Variants in KCNIP4 observed in about 807,000 individuals in gnomAD.
The protein encoded by KCNIP4 is Kv channel-interacting protein 4.
A neutral mutation model predicts 34.0 loss-of-function variants in KCNIP4; 12 were observed. The observed-to-expected ratio is 0.35, with a 90% CI of 0.23 to 0.57. The LOEUF is 0.57. Ranked by LOEUF, KCNIP4 falls within the 20% of genes least tolerant of loss-of-function variation. The probability of loss-of-function intolerance (pLI) is 0.83; values close to 1 mark genes in which losing one functional copy is unlikely to be tolerated. For synonymous variants in KCNIP4, 124 were observed against 102.2 expected, an observed-to-expected ratio of 1.21 and a Z score of -1.29; for missense variants, 238 against 311.7, an observed-to-expected ratio of 0.76 and a Z score of 1.78.
chr4:21,703,469 A>C (rs1713024055), intron 1 of KCNIP4, among the ~76,000 whole-genome samples: 1 of 152,158 alleles, frequency 6.6e-6, no homozygotes, highest in Non-Finnish European at 1.5e-5. Flanking sequence ...AAGGACAAAA[A>C]ACCAAACACC....
intron 1 of KCNIP4, among the ~76,000 whole-genome samples, chr4:21,931,092 A>G (rs1192695415): frequency 6.6e-6 from 1 of 152,152 alleles, no homozygotes; most frequent in Admixed American, 6.6e-5. Flanking sequence ...CCATTACAAA[A>G]TCAGAGTGTT....
At chr4:21,734,464 G>A (rs960937403) in intron 1 of KCNIP4, among the ~76,000 whole-genome samples, 11 of 152,044 alleles carry the variant, frequency 7.2e-5, no homozygotes, top group Admixed American at 1.3e-4. Flanking sequence ...AAATATATAA[G>A]ATCTACAGGA....
intron 1 of KCNIP4, among the ~76,000 whole-genome samples, chr4:21,577,011 T>G (rs768131895): frequency 6.6e-6 from 1 of 152,168 alleles, no homozygotes; most frequent in East Asian, 1.9e-4. Context: ...AAAAATTAAA[T>G]AGGTGCATAC....
Position 21,753,705 on chromosome 4 carries a change from A to T in KCNIP4, c.61+194866T>A, listed in dbSNP as rs550354950. Among the ~76,000 whole-genome samples the T allele has an allele frequency of 5.3e-5, 8 of 152,240 alleles. No individual in the cohort carries two copies. In the East Asian group the frequency reaches 1.5e-3, roughly 29 times the overall value. The stretch of plus-strand genomic sequence containing the variant: ...AGCCCGGACTCGTCTTCGAATCTCA[A>T]GCCATGACCTGTGCTATTTCTGTAG... On this transcript the variant is annotated intron_variant, in intron 1 of 8. Transcript: ENST00000382152.
At position 21,556,930 on chromosome 4, in the gene KCNIP4, A is replaced by AAAACAAAAAAAAAAAAAAAAC. The variant is rs1739094153; in HGVS notation, c.61+391640_61+391641insGTTTTTTTTTTTTTTTTGTTT. On this transcript the variant is annotated intron_variant, in intron 1 of 8. Coordinates refer to ENST00000382152, the MANE Select transcript of KCNIP4 (RefSeq NM_025221.6). ...AGCAAGACTCCATCTCAGAAAAAAA[A>AAAACAAAAAAAAAAAAAAAAC]AAAAAAAAAAAAACCAGAAAACAAA... Among the ~76,000 whole-genome samples, 2 of 108,194 alleles carry AAAACAAAAAAAAAAAAAAAAC rather than the reference A, an allele frequency of 1.8e-5. 1 individual carries two copies. Among genetic ancestry groups the AAAACAAAAAAAAAAAAAAAAC allele is most frequent in the Non-Finnish European group, 4.0e-5 (2 of 49,916 alleles). 71.0% of individuals were successfully genotyped at this position (108,194 alleles called of 152,430 possible).
intron 1 of KCNIP4, among the ~76,000 whole-genome samples, chr4:21,582,955 T>C (rs1741346026): frequency 6.6e-6 from 1 of 151,874 alleles, no homozygotes; most frequent in Non-Finnish European, 1.5e-5. Flanking sequence ...TTTCAAAGAT[T>C]CTCATTGCCT....
intron 1 of KCNIP4, among the ~76,000 whole-genome samples, chr4:21,086,904 CCT>C (rs1300666278): frequency 1.3e-5 from 2 of 150,656 alleles, no homozygotes; most frequent in Non-Finnish European, 3.0e-5. Flanking sequence ...CTTCTTTCTC[CCT>C]CTCTTTCCCT....
At chr4:21,506,886 G>T (rs1560468738) in intron 1 of KCNIP4, among the ~76,000 whole-genome samples, 1 of 151,782 alleles carries the variant, frequency 6.6e-6, no homozygotes, top group Non-Finnish European at 1.5e-5. Context: ...CAAACTCCTG[G>T]GCCAAAGCAA....
intron 1 of KCNIP4, among the ~76,000 whole-genome samples, chr4:20,917,360 A>G (rs1276563439): frequency 6.6e-6 from 1 of 151,780 alleles, no homozygotes; most frequent in Non-Finnish European, 1.5e-5. Context: ...CTCTTACTTC[A>G]ACTCTTTTCC....
At chr4:21,602,160 T>C (rs1448740004) in intron 1 of KCNIP4, among the ~76,000 whole-genome samples, 1 of 151,984 alleles carries the variant, frequency 6.6e-6, no homozygotes, top group Non-Finnish European at 1.5e-5. Flanking sequence ...AGAATATTCT[T>C]CAACACTTAA....
chr4:20,783,728 G>A (rs951067999), intron 3 of KCNIP4, among the ~76,000 whole-genome samples: 4 of 152,138 alleles, frequency 2.6e-5, no homozygotes, highest in African/African-American at 4.8e-5. Flanking sequence ...CTACCATTAA[G>A]TAAGCACACA....
At chr4:21,322,457 C>T (rs891059928) in intron 1 of KCNIP4, among the ~76,000 whole-genome samples, 1 of 152,128 alleles carries the variant, frequency 6.6e-6, no homozygotes, top group African/African-American at 2.4e-5. Context: ...GCCTATAACA[C>T]ATAACAGTTA....
intron 1 of KCNIP4, among the ~76,000 whole-genome samples, chr4:21,242,854 T>C (rs892781087): frequency 6.6e-6 from 1 of 150,720 alleles, no homozygotes; most frequent in African/African-American, 2.4e-5. Flanking sequence ...AATAAATACA[T>C]CTCTTTCTCA....
chr4:21,848,482 A>C (rs1724161509), intron 1 of KCNIP4: 2 of 152,170 alleles, frequency 1.3e-5, no homozygotes, highest in African/African-American at 4.8e-5. Flanking sequence ...ATTTATGAAG[A>C]CAAAAAGCAC....
At chr4:21,099,266 A>ACC (rs1747728116) in intron 1 of KCNIP4, among the ~76,000 whole-genome samples, 2 of 152,134 alleles carry the variant, frequency 1.3e-5, no homozygotes, top group African/African-American at 4.8e-5. Flanking sequence ...GGTACATATA[A>ACC]ACCATGGAAT....
intron 1 of KCNIP4, among the ~76,000 whole-genome samples, chr4:21,829,450 T>C (rs1004598526): frequency 6.6e-6 from 1 of 151,862 alleles, no homozygotes; most frequent in African/African-American, 2.4e-5. Flanking sequence ...GGGTAACTAG[T>C]AGGAGAATAC....
chr4:21,406,089 C>G (rs1723964593), intron 1 of KCNIP4, among the ~76,000 whole-genome samples: 1 of 152,150 alleles, frequency 6.6e-6, no homozygotes, highest in African/African-American at 2.4e-5. Flanking sequence ...CCCGCCTCAG[C>G]TTCCCAAAGT....
At chr4:21,099,651 T>C (rs375042469) in intron 1 of KCNIP4, among the ~76,000 whole-genome samples, 1 of 151,900 alleles carries the variant, frequency 6.6e-6, no homozygotes, top group Non-Finnish European at 1.5e-5. Flanking sequence ...AAGAAAGAAA[T>C]AAATTTCTTA....
intron 1 of KCNIP4, among the ~76,000 whole-genome samples, chr4:21,343,050 G>C (rs531271638): frequency 6.6e-6 from 1 of 152,142 alleles, no homozygotes; most frequent in East Asian, 1.9e-4. Flanking sequence ...GCTTCAGCCT[G>C]TTTGGAACCA....
Sources: gnomAD v4.1 joint callset for allele counts (sites outside exome capture counted in the v4.1 genomes callset) on GRCh38, gnomAD v4.1.1 for gene constraint, MANE v1.5 for transcripts, NCBI Gene and HGNC (gene_info 2026-07-23, HGNC 2026-07-21) for gene names.